PINX1: variants seen among roughly 807,000 people sequenced by gnomAD.
The protein encoded by PINX1 is PIN2/TERF1-interacting telomerase inhibitor 1.
Under a neutral mutation model 25.4 loss-of-function variants are expected in PINX1, and 34 were observed. That is an observed-to-expected ratio of 1.34 (90% CI 1.02 to 1.78). The LOEUF (loss-of-function observed/expected upper bound fraction) is 1.78. Among genes scored for constraint, PINX1 ranks in the 40% most tolerant of loss-of-function variants. PINX1 has a pLI of 0.00. For synonymous variants in PINX1, 197 were observed against 147.7 expected (o/e 1.33, Z -2.42); for missense variants, 592 against 404.9 (o/e 1.46, Z -3.97).
At chr8:10,811,606 G>C (rs113865396) in intron 6 of PINX1, among the ~76,000 whole-genome samples, 1 of 152,130 alleles carries the variant, frequency 6.6e-6, no homozygotes, top group Non-Finnish European at 1.5e-5. Flanking sequence ...TCTCTCACGC[G>C]GATATTGTCA....
In PINX1 at chr8:10,816,601, A is replaced by G. The variant is rs555639383; in HGVS notation, c.471+3592T>C. Among the ~76,000 whole-genome samples the G allele has an allele frequency of 3.3e-5, 5 of 152,358 alleles. No homozygotes were observed. In the East Asian group the frequency reaches 9.7e-4, roughly 29 times the overall value. On this transcript the variant is annotated intron_variant, in intron 6 of 6. Transcript: ENST00000314787. ...ACCTCTGACTACAGGTAAGGTAAAG[A>G]AGTTTTGAAATTTAAACCATTATTT...
Position 10,820,213 on chromosome 8 carries a change from G to C in PINX1, c.451C>G (p.Gln151Glu). Reference protein sequence around the residue: ...TDLDCIFGKRQSKKTPEGDAS... With the variant: ...TDLDCIFGKRESKKTPEGDAS... ...TATACCTCGGGAGTCTTCTTACTCTGTCTTTTCCCAAAAATGCAGTCAAGA... is the reference window on the plus strand; with the variant it reads ...TATACCTCGGGAGTCTTCTTACTCTCTCTTTTCCCAAAAATGCAGTCAAGA... The change falls in exon 6 of 7, where the codon CAG becomes GAG. Residue 151 changes from glutamine (Q) to glutamate (E), a missense_variant. Transcript: ENST00000314787. 6.2e-7 allele frequency: 1 copy of C among 1,611,538 alleles called. No homozygotes were observed. The highest frequency in any genetic ancestry group is 8.5e-7 in the Non-Finnish European group (1 of 1,177,824).
At chr8:10,778,103 A>C (rs1801451726) in intron 6 of PINX1, among the ~76,000 whole-genome samples, 1 of 152,176 alleles carries the variant, frequency 6.6e-6, no homozygotes, top group East Asian at 1.9e-4. Context: ...CACTCTTTAG[A>C]AACCCTGGTC....
intron 6 of PINX1, among the ~76,000 whole-genome samples, chr8:10,793,386 T>C (rs887562378): frequency 2.6e-5 from 4 of 152,206 alleles, no homozygotes; most frequent in Non-Finnish European, 4.4e-5. Flanking sequence ...AGGGCCACGC[T>C]GGAAGAAGAA....
At chr8:10,804,665 A>G (rs1802380773) in intron 6 of PINX1, among the ~76,000 whole-genome samples, 1 of 152,030 alleles carries the variant, frequency 6.6e-6, no homozygotes, top group Non-Finnish European at 1.5e-5. Context: ...AATGATTAGG[A>G]ATGGTTTCAT....
intron 6 of PINX1, among the ~76,000 whole-genome samples, chr8:10,809,539 G>A (rs1802560620): frequency 6.6e-6 from 1 of 152,164 alleles, no homozygotes; most frequent in Non-Finnish European, 1.5e-5. Flanking sequence ...CCCATCTCAA[G>A]CACTATTCAC....
At chr8:10,823,751 C>T (rs966889599) in intron 5 of PINX1, among the ~76,000 whole-genome samples, 9 of 152,106 alleles carry the variant, frequency 5.9e-5, no homozygotes, top group Non-Finnish European at 1.5e-5. Context: ...TCACTTGAGC[C>T]CAGAAGGTCA....
intron 6 of PINX1, among the ~76,000 whole-genome samples, chr8:10,770,254 G>A (rs528643282): frequency 6.6e-6 from 1 of 152,306 alleles, no homozygotes; most frequent in South Asian, 2.1e-4. Flanking sequence ...TCAGCAACAG[G>A]TCAATTCAGG....
At chr8:10,819,646 A>G (rs1178232072) in intron 6 of PINX1, among the ~76,000 whole-genome samples, 1 of 152,236 alleles carries the variant, frequency 6.6e-6, no homozygotes, top group African/African-American at 2.4e-5. Flanking sequence ...GGTGTAGTTT[A>G]GTCACCCCAT....
intron 6 of PINX1, among the ~76,000 whole-genome samples, chr8:10,791,779 G>T (rs905668318): frequency 2.0e-5 from 3 of 152,162 alleles, no homozygotes; most frequent in South Asian, 2.1e-4. Context: ...CAGGGTGGTG[G>T]CGGCAACCTC....
chr8:10,796,833 A>G (rs183290524), intron 6 of PINX1, among the ~76,000 whole-genome samples: 123 of 152,272 alleles, frequency 8.1e-4, no homozygotes, highest in African/African-American at 2.9e-3. Context: ...TGCAATGAAA[A>G]AAATTGTTAA....
chr8:10,805,799 A>G (rs77047623), intron 6 of PINX1, among the ~76,000 whole-genome samples: 4 of 103,102 alleles, frequency 3.9e-5, no homozygotes, highest in Admixed American at 1.2e-4. Context: ...CACAGGAAGA[A>G]GCCACACTAG....
At chr8:10,799,920 C>A (rs1171273143) in intron 6 of PINX1, among the ~76,000 whole-genome samples, 3 of 152,178 alleles carry the variant, frequency 2.0e-5, no homozygotes, top group Non-Finnish European at 4.4e-5. Flanking sequence ...CCTTACTGGG[C>A]TATTTGTCAT....
At chr8:10,805,455 G>C (rs891370614) in intron 6 of PINX1, among the ~76,000 whole-genome samples, 16 of 152,028 alleles carry the variant, frequency 1.1e-4, no homozygotes, top group Non-Finnish European at 1.8e-4. Flanking sequence ...CTAGTGCTGA[G>C]TGGGTGGCAG....
intron 6 of PINX1, among the ~76,000 whole-genome samples, chr8:10,818,083 A>G (rs927046353): frequency 6.6e-6 from 1 of 152,226 alleles, no homozygotes; most frequent in Non-Finnish European, 1.5e-5. Context: ...GTTGAGAACT[A>G]TGGCTACAGA....
At chr8:10,836,886 G>C (rs570965323) in intron 1 of PINX1, among the ~76,000 whole-genome samples, 2 of 152,226 alleles carry the variant, frequency 1.3e-5, no homozygotes, top group African/African-American at 4.8e-5. Context: ...AGCTCTAATG[G>C]CACCCAAGTT....
In PINX1 at chr8:10,765,203, G is replaced by C. The variant is rs1447080629; in HGVS notation, c.*198C>G. 3.6e-6 allele frequency: 2 copies of C among 555,276 alleles called. No individual in the cohort carries two copies. Among genetic ancestry groups the C allele is most frequent in the African/African-American group, 3.8e-5 (2 of 53,222 alleles). 34.4% of individuals were successfully genotyped at this position (555,276 alleles called of 1,614,324 possible). ...TTATTTGTGTCTGAGAGCCACGATT[G>C]AGAACATTAAAAAGGTCCTCCTGGG... On this transcript the variant is annotated 3_prime_UTR_variant, in exon 7 of 7. Transcript: ENST00000314787.
intron 1 of PINX1, among the ~76,000 whole-genome samples, chr8:10,838,099 T>C (rs1798458484): frequency 6.6e-6 from 1 of 152,228 alleles, no homozygotes; most frequent in South Asian, 2.1e-4. Context: ...TTACTGTCCA[T>C]AAATACTGCC....
At chr8:10,837,382 C>T (rs1406875192) in intron 1 of PINX1, among the ~76,000 whole-genome samples, 2 of 152,226 alleles carry the variant, frequency 1.3e-5, no homozygotes, top group Admixed American at 1.3e-4. Flanking sequence ...TTAGCCTGGA[C>T]TTTGCCCCGT....
Sources: gnomAD v4.1 joint callset for allele counts (sites outside exome capture counted in the v4.1 genomes callset) on GRCh38, gnomAD v4.1.1 for gene constraint, MANE v1.5 for transcripts, NCBI Gene and HGNC (gene_info 2026-07-23, HGNC 2026-07-21) for gene names.